Variants in FREM1 observed in about 807,000 individuals in gnomAD.
FREM1 encodes FRAS1 related extracellular matrix 1.
Under a neutral mutation model 210.1 loss-of-function variants are expected in FREM1, and 220 were observed. That is an observed-to-expected ratio of 1.05 (90% CI 0.94 to 1.17). The LOEUF (loss-of-function observed/expected upper bound fraction) is 1.17. FREM1 is among the 50% of genes most tolerant of loss of function. The probability of loss-of-function intolerance (pLI) is 0.00; values close to 1 mark genes in which losing one functional copy is unlikely to be tolerated. For missense variants in FREM1, 3,454 were observed against 2,675.5 expected (o/e 1.29, Z -6.42); for synonymous variants, 1,189 against 980.2 (o/e 1.21, Z -3.98).
At chr9:14,845,832 T>G in intron 8 of FREM1, 128 bp downstream of exon 8, 1 of 924,632 alleles carries the variant, frequency 1.1e-6, no homozygotes, top group Non-Finnish European at 1.7e-6. Context: ...GATCTCCAGA[T>G]TTTCTGCATT....
At chr9:14,814,028 A>G (rs1819869656) in intron 15 of FREM1, among the ~76,000 whole-genome samples, 2 of 152,054 alleles carry the variant, frequency 1.3e-5, no homozygotes, top group Admixed American at 1.3e-4. Flanking sequence ...ATCCCGACAC[A>G]CATTCCCCAC....
chr9:14,741,952 A>G (rs1841647925), intron 35 of FREM1, among the ~76,000 whole-genome samples: 1 of 152,222 alleles, frequency 6.6e-6, no homozygotes, highest in South Asian at 2.1e-4. Flanking sequence ...GACTCTCCAG[A>G]AAGCAAGAAG....
At chr9:14,762,554 G>C (rs1845686231) in intron 27 of FREM1, among the ~76,000 whole-genome samples, 1 of 152,040 alleles carries the variant, frequency 6.6e-6, no homozygotes, top group African/African-American at 2.4e-5. Flanking sequence ...TGCACCATTT[G>C]AATGCTGCAT....
Position 14,770,603 on chromosome 9 carries a change from A to G in FREM1, c.5059+2T>C, listed in dbSNP as rs1847364461. 2 of 1,607,146 alleles carry G rather than the reference A, an allele frequency of 1.2e-6. No homozygotes were observed. Among genetic ancestry groups the G allele is most frequent in the East Asian group, 4.5e-5 (2 of 44,856 alleles). ...AATTGTAAGGATTAAGGAGGCCAGT[A>G]CCTGTTGTTGTGTTCTCCAGATGTC... On this transcript the variant is annotated splice_donor_variant, in intron 26 of 36. Transcript: ENST00000380880. LOFTEE classifies it high-confidence loss of function.
chr9:14,804,713 T>A (rs1818041634), intron 19 of FREM1, among the ~76,000 whole-genome samples: 1 of 152,178 alleles, frequency 6.6e-6, no homozygotes, highest in Non-Finnish European at 1.5e-5. Flanking sequence ...ATCGATGGAA[T>A]CATCTGTAGA....
chr9:14,773,910 C>A (rs1848057488), intron 25 of FREM1, among the ~76,000 whole-genome samples: 1 of 151,924 alleles, frequency 6.6e-6, no homozygotes, highest in African/African-American at 2.4e-5. Flanking sequence ...GAAAAGTATC[C>A]CTGGTTGGAC....
intron 29 of FREM1, among the ~76,000 whole-genome samples, chr9:14,751,059 G>T (rs1373611066): frequency 6.6e-6 from 1 of 152,192 alleles, no homozygotes; most frequent in Non-Finnish European, 1.5e-5. Context: ...AAGACTGCAA[G>T]AAGAAACTTC....
chr9:14,771,623 C>G lies in FREM1; in HGVS notation c.4858-817G>C, dbSNP rs539102703. Among the ~76,000 whole-genome samples the G allele has an allele frequency of 4.1e-4, 63 of 152,254 alleles. No homozygotes were observed. In the South Asian group the frequency reaches 0.013, roughly 31 times the overall value. ...GATTAGAACAGATCCACCACTGATA[C>G]TAGAAAACATGTACAAGAATCTTCA... On this transcript the variant is annotated intron_variant, in intron 25 of 36. Coordinates refer to ENST00000380880, the MANE Select transcript of FREM1 (RefSeq NM_001379081.2).
At chr9:14,904,503 T>C (rs933091200) in intron 1 of FREM1, among the ~76,000 whole-genome samples, 10 of 151,732 alleles carry the variant, frequency 6.6e-5, no homozygotes, top group African/African-American at 1.9e-4. Flanking sequence ...CAAGTGCATA[T>C]GTATGGAAAA....
intron 5 of FREM1, among the ~76,000 whole-genome samples, chr9:14,852,422 T>A (rs898343761): frequency 6.6e-6 from 1 of 152,104 alleles, no homozygotes; most frequent in African/African-American, 2.4e-5. Flanking sequence ...GTGTGGTAGC[T>A]CACGCCTGCA....
At chr9:14,880,033 A>G (rs1339509044) in intron 1 of FREM1, among the ~76,000 whole-genome samples, 1 of 152,146 alleles carries the variant, frequency 6.6e-6, no homozygotes, top group African/African-American at 2.4e-5. Flanking sequence ...TTAGGTTTAC[A>G]TAAGGTCATG....
chr9:14,871,529 G>C (rs1832678893), intron 1 of FREM1, among the ~76,000 whole-genome samples: 1 of 151,986 alleles, frequency 6.6e-6, no homozygotes, highest in Non-Finnish European at 1.5e-5. Context: ...AAATTTGTTT[G>C]AGTTCATTGT....
At chr9:14,802,153 A>T (rs770694406) in intron 19 of FREM1, among the ~76,000 whole-genome samples, 1 of 152,216 alleles carries the variant, frequency 6.6e-6, no homozygotes, top group Non-Finnish European at 1.5e-5. Context: ...TGTATTGTTC[A>T]TAAGTCAAAG....
intron 36 of FREM1, among the ~76,000 whole-genome samples, chr9:14,739,482 T>TATATATATTC (rs1401174525): frequency 2.0e-4 from 22 of 111,200 alleles, no homozygotes; most frequent in Non-Finnish European, 3.4e-4. Context: ...ATATAATTCA[T>TATATATATTC]ATATATATAT....
At chr9:14,876,178 G>A (rs1431389235) in intron 1 of FREM1, among the ~76,000 whole-genome samples, 39 of 151,554 alleles carry the variant, frequency 2.6e-4, no homozygotes, top group Admixed American at 5.9e-4. Flanking sequence ...CTCCAGCTGC[G>A]TGCTGGGAGA....
chr9:14,838,489 GCA>G (rs4008011), intron 10 of FREM1, among the ~76,000 whole-genome samples: 2,569 of 150,020 alleles, frequency 0.017, 49 homozygotes, highest in African/African-American at 0.048. Flanking sequence ...ATGCTTGCCA[GCA>G]CACACACACA....
intron 25 of FREM1, among the ~76,000 whole-genome samples, chr9:14,774,670 T>G (rs1848254569): frequency 6.6e-6 from 1 of 152,134 alleles, no homozygotes; most frequent in Non-Finnish European, 1.5e-5. Flanking sequence ...GAGGGTGAAC[T>G]ACTTCCAAGG....
Position 14,825,561 on chromosome 9 carries a change from A to G in FREM1, c.1882-569T>C, listed in dbSNP as rs12005286. 4.1e-3 allele frequency among the ~76,000 whole-genome samples: 530 copies of G among 129,006 alleles called. 21 individuals are homozygous for G. The highest frequency in any genetic ancestry group is 0.013 in the African/African-American group (430 of 31,932). 84.6% of individuals were successfully genotyped at this position (129,006 alleles called of 152,430 possible). A position where few individuals can be genotyped will look rare whatever the true frequency, so the allele number is the denominator to read the frequency against. Reference sequence around the variant, plus strand: ...TGTGTGTGTGTGTATATATATATATATATATATATACCACAATTATAGTGA... The same window carrying G: ...TGTGTGTGTGTGTATATATATATATGTATATATATACCACAATTATAGTGA... On this transcript the variant is annotated intron_variant, in intron 10 of 36. Transcript: ENST00000380880.
chr9:14,788,688 A>G (rs1375691397), intron 23 of FREM1, among the ~76,000 whole-genome samples: 1 of 152,160 alleles, frequency 6.6e-6, no homozygotes, highest in Non-Finnish European at 1.5e-5. Context: ...TGAATTTCCA[A>G]TAAACTTTTT....
Sources: gnomAD v4.1 joint callset for allele counts (sites outside exome capture counted in the v4.1 genomes callset) on GRCh38, gnomAD v4.1.1 for gene constraint, MANE v1.5 for transcripts, NCBI Gene and HGNC (gene_info 2026-07-23, HGNC 2026-07-21) for gene names.